Variants in OXR1 observed in about 807,000 individuals in gnomAD.
OXR1 encodes oxidation resistance protein 1.
In OXR1, 41 loss-of-function variants were observed where a neutral mutation model predicts 104.6. That is an observed-to-expected ratio of 0.39 (90% CI 0.31 to 0.51). The LOEUF (loss-of-function observed/expected upper bound fraction) is 0.51, where lower values mean the gene tolerates loss of function less well. Ranked by LOEUF, OXR1 falls within the 20% of genes least tolerant of loss-of-function variation. The pLI is 0.77. For synonymous variants in OXR1, 348 were observed against 348.4 expected (o/e 1.00, Z 0.01); for missense variants, 955 against 1,031.9 (o/e 0.93, Z 1.02).
intron 1 of OXR1, among the ~76,000 whole-genome samples, chr8:106,293,401 A>T (rs1812839569): frequency 6.6e-6 from 1 of 152,194 alleles, no homozygotes; most frequent in Non-Finnish European, 1.5e-5. Context: ...AGTGAAAGCC[A>T]TTATTACCAA....
intron 3 of OXR1, among the ~76,000 whole-genome samples, chr8:106,554,409 T>C (rs1257761749): frequency 6.6e-6 from 1 of 152,214 alleles, no homozygotes; most frequent in African/African-American, 2.4e-5. Flanking sequence ...TTCACCTCCA[T>C]TTTCAGGATC....
intron 3 of OXR1, among the ~76,000 whole-genome samples, chr8:106,567,387 A>G (rs908164257): frequency 6.6e-6 from 1 of 152,160 alleles, no homozygotes; most frequent in African/African-American, 2.4e-5. Context: ...TGTGCTTTAT[A>G]CAGATGCTTC....
intron 3 of OXR1, among the ~76,000 whole-genome samples, chr8:106,647,152 C>T (rs959610489): frequency 2.0e-5 from 3 of 152,144 alleles, no homozygotes; most frequent in African/African-American, 7.2e-5. Context: ...GACTGCCATG[C>T]AGTGTTTTTC....
chr8:106,335,025 GAC>G (rs10650045), intron 1 of OXR1, among the ~76,000 whole-genome samples: 4 of 150,872 alleles, frequency 2.7e-5, no homozygotes, highest in Admixed American at 1.3e-4. Context: ...CACATACATT[GAC>G]ACACACACAC....
At position 106,751,323 on chromosome 8, in the gene OXR1, T is replaced by C. The variant is rs2131618066; in HGVS notation, c.*382T>C. 6.5e-6 allele frequency: 1 copy of C among 154,964 alleles called. No homozygotes were observed. Among genetic ancestry groups the C allele is most frequent in the South Asian group, 2.1e-4 (1 of 4,856 alleles). 9.6% of individuals were successfully genotyped at this position (154,964 alleles called of 1,614,324 possible). On this transcript the variant is annotated 3_prime_UTR_variant, in exon 17 of 17. Transcript: ENST00000517566. ...TATTGATTCGTTTACTAGAACAGTC[T>C]AATTGGGGCATTGAGGAAATGAAGA...
intron 2 of OXR1, among the ~76,000 whole-genome samples, chr8:106,431,433 T>G (rs1253003764): frequency 6.6e-6 from 1 of 152,164 alleles, no homozygotes; most frequent in Non-Finnish European, 1.5e-5. Flanking sequence ...CATGTACCTG[T>G]GATATTGTAT....
At chr8:106,631,486 C>T (rs1822681518) in intron 3 of OXR1, among the ~76,000 whole-genome samples, 1 of 152,102 alleles carries the variant, frequency 6.6e-6, no homozygotes, top group African/African-American at 2.4e-5. Flanking sequence ...ACCCACTTTG[C>T]ATTTATCTAT....
chr8:106,649,939 G>A (rs1968807), intron 3 of OXR1, among the ~76,000 whole-genome samples: 27,620 of 151,886 alleles, frequency 0.18, 2,656 homozygotes, highest in East Asian at 0.38. Context: ...TTCATGATCC[G>A]CCCACCTTGG....
intron 2 of OXR1, among the ~76,000 whole-genome samples, chr8:106,459,274 G>T (rs772698300): frequency 6.6e-6 from 1 of 151,904 alleles, no homozygotes; most frequent in Admixed American, 6.6e-5. Flanking sequence ...GCGTTATTGG[G>T]TGCCTGATGA....
intron 11 of OXR1, 67 bp from the exon 12 acceptor site, chr8:106,737,453 T>C (rs1214444524): frequency 8.1e-6 from 3 of 371,948 alleles, no homozygotes; most frequent in Admixed American, 9.0e-5. Context: ...TTTTTTTTTT[T>C]TTTTTTTTTT....
intron 3 of OXR1, among the ~76,000 whole-genome samples, chr8:106,655,815 A>G (rs1825010685): frequency 6.6e-6 from 1 of 152,164 alleles, no homozygotes; most frequent in African/African-American, 2.4e-5. Flanking sequence ...TCAGTCATCA[A>G]GGTTATACAT....
intron 3 of OXR1, among the ~76,000 whole-genome samples, chr8:106,585,177 C>T (rs1818535998): frequency 6.6e-6 from 1 of 152,090 alleles, no homozygotes; most frequent in Non-Finnish European, 1.5e-5. Flanking sequence ...TTATCATCAT[C>T]TCCAGTCTAC....
intron 2 of OXR1, among the ~76,000 whole-genome samples, chr8:106,372,187 A>G (rs1816734834): frequency 6.6e-6 from 1 of 152,216 alleles, no homozygotes; most frequent in Non-Finnish European, 1.5e-5. Context: ...TGGGTAGCAC[A>G]GTTTCATGGA....
At chr8:106,448,805 T>G (rs141330328) in intron 2 of OXR1, among the ~76,000 whole-genome samples, 95 of 152,294 alleles carry the variant, frequency 6.2e-4, no homozygotes, top group African/African-American at 2.1e-3. Flanking sequence ...CAAACTACCT[T>G]TACTCATGAA....
chr8:106,562,337 T>C (rs531563816), intron 3 of OXR1, among the ~76,000 whole-genome samples: 3 of 151,880 alleles, frequency 2.0e-5, no homozygotes, highest in African/African-American at 4.8e-5. Context: ...ACAGTATCAA[T>C]AGCCAAATTG....
chr8:106,692,008 T>C (rs968303249), intron 6 of OXR1, among the ~76,000 whole-genome samples: 7 of 149,934 alleles, frequency 4.7e-5, no homozygotes, highest in East Asian at 3.9e-4. Flanking sequence ...CACACACATA[T>C]ATATATACAC....
At chr8:106,412,792 A>T (rs1818511685) in intron 2 of OXR1, among the ~76,000 whole-genome samples, 1 of 152,112 alleles carries the variant, frequency 6.6e-6, no homozygotes, top group Non-Finnish European at 1.5e-5. Flanking sequence ...GTTTTATAAT[A>T]AATTTGTATT....
chr8:106,278,125 G>T (rs546895858), intron 1 of OXR1, among the ~76,000 whole-genome samples: 37 of 152,238 alleles, frequency 2.4e-4, no homozygotes, highest in African/African-American at 8.7e-4. Context: ...TCCAATGATT[G>T]ATCTGAATTT....
intron 2 of OXR1, among the ~76,000 whole-genome samples, chr8:106,463,745 G>A (rs993608652): frequency 1.3e-5 from 2 of 152,106 alleles, no homozygotes; most frequent in African/African-American, 4.8e-5. Flanking sequence ...TATCCGTGAA[G>A]TAGGGATTGT....
Sources: allele counts gnomAD v4.1 joint callset (sites outside exome capture counted in the v4.1 genomes callset), GRCh38; gene constraint gnomAD v4.1.1; transcripts MANE v1.5; gene names NCBI Gene and HGNC (gene_info 2026-07-23, HGNC 2026-07-21).